CAGE1: variants seen among roughly 807,000 people sequenced by gnomAD.
The protein encoded by CAGE1 is cancer-associated gene 1 protein.
A neutral mutation model predicts 94.9 loss-of-function variants in CAGE1; 66 were observed. The ratio of observed to expected loss-of-function variants is 0.70; its 90% CI spans 0.57 to 0.85. The LOEUF (loss-of-function observed/expected upper bound fraction) is 0.85, where lower values mean the gene tolerates loss of function less well. Among genes scored for constraint, CAGE1 ranks in the 40% least tolerant of loss-of-function variants. The pLI, the probability that CAGE1 is intolerant of heterozygous loss-of-function variation, is 0.00. For synonymous variants in CAGE1, 319 were observed against 321.0 expected, an observed-to-expected ratio of 0.99 and a Z score of 0.07; for missense variants, 865 against 950.4, an observed-to-expected ratio of 0.91 and a Z score of 1.18.
Position 7,362,087 on chromosome 6 carries a change from A to G in CAGE1, c.2193+3381T>C, listed in dbSNP as rs905838211. Among the ~76,000 whole-genome samples the G allele has an allele frequency of 3.3e-5, 5 of 152,354 alleles. No individual in the cohort carries two copies. Among genetic ancestry groups the G allele is most frequent in the Middle Eastern group, 3.4e-3 (1 of 294 alleles). On this transcript the variant is annotated intron_variant, in intron 9 of 13. Transcript: ENST00000502583. The surrounding 1 kb of genome is among the most constrained non-coding windows in gnomAD (Gnocchi z 4.1). ...ATTTTTCCTAAAGCAGTAATTTTCT[A>G]CTTTGCCTGTTCCTTTCTTATTCTT...
rs1761255090 is a variant in CAGE1, at chr6:7,389,364, C to T, written c.-186G>A. ...GCACCGGGTTTTGTGGGAGGGAGAA[C>T]GCTTTCCAACCTCCTCCACCAAGGA... is the stretch of plus-strand genomic sequence containing the variant. On this transcript the variant is annotated 5_prime_UTR_variant, in exon 1 of 14. Transcript: ENST00000502583. 6.6e-6 allele frequency: 3 copies of T among 455,772 alleles called. No individual in the cohort carries two copies. The highest frequency in any genetic ancestry group is 6.0e-5 in the African/African-American group (3 of 50,048). The allele number at this position is 455,772 out of a possible 1,614,324, so 28.2% of individuals were successfully genotyped here. A position where few individuals can be genotyped will look rare whatever the true frequency, so the allele number is the denominator to read the frequency against.
chr6:7,339,070 A>G lies in CAGE1; in HGVS notation c.2370-4980T>C, dbSNP rs1759073030. On this transcript the variant is annotated intron_variant, in intron 11 of 13. Transcript: ENST00000502583. This position sits in a 1 kb window ranked among gnomAD's most constrained non-coding sequence, Gnocchi z 4.7. ...ACATGGCGCACAGCAGTGTCAACGT[A>G]GTAGTTAACAGGGTCTCTGCTGTGG... The G allele has an allele frequency of 1.2e-6, 2 of 1,600,834 alleles. No individual in the cohort carries two copies. The highest frequency in any genetic ancestry group is 4.5e-5 in the East Asian group (2 of 44,828).
chr6:7,378,632 T>C lies in CAGE1; in HGVS notation c.672A>G (p.Pro224=), dbSNP rs534228797. ...KESALNPSQP[P]SFLCKTAVPS... ...GTACACTTTCCTTACATAAGAAGCT[T>C]GGAGGTTGGCTAGGGTTGAGGGCAG... Residue 224 remains proline, a synonymous_variant, in exon 4 of 14, where the codon CCA becomes CCG. Coordinates refer to ENST00000502583, the MANE Select transcript of CAGE1 (RefSeq NM_001170692.2). 1 of 1,586,106 alleles carries C rather than the reference T, an allele frequency of 6.3e-7. No individual in the cohort carries two copies. The highest frequency in any genetic ancestry group is 1.2e-5 in the South Asian group (1 of 85,904).
At chr6:7,380,749 TG>T (rs1760906055) in intron 3 of CAGE1, among the ~76,000 whole-genome samples, 1 of 152,234 alleles carries the variant, frequency 6.6e-6, no homozygotes, top group Non-Finnish European at 1.5e-5. Context: ...ATTCCTTTTT[TG>T]TTGGCTATTT....
Position 7,341,489 on chromosome 6 carries a change from G to A in CAGE1, c.2370-7399C>T, listed in dbSNP as rs117274545. 1.0e-3 allele frequency: 1,194 copies of A among 1,180,080 alleles called. 18 individuals are homozygous for A. The East Asian group carries it at 0.025, about 25-fold the overall frequency. The allele number at this position is 1,180,080 out of a possible 1,614,324, so 73.1% of individuals were successfully genotyped here. A position where few individuals can be genotyped will look rare whatever the true frequency, so the allele number is the denominator to read the frequency against. On this transcript the variant is annotated intron_variant, in intron 11 of 13. Coordinates refer to ENST00000502583, the MANE Select transcript of CAGE1 (RefSeq NM_001170692.2). The stretch of plus-strand genomic sequence containing the variant: ...CTTGGCAAATTCCAGGTATTCCATC[G>A]CGAGTCTGAGGAGTAGATGTCACCC...
At chr6:7,358,219 T>G (rs566814166) in intron 9 of CAGE1, among the ~76,000 whole-genome samples, 1 of 151,462 alleles carries the variant, frequency 6.6e-6, no homozygotes, top group Admixed American at 6.6e-5. Flanking sequence ...AGGCAAACAC[T>G]GATCCACTTT....
rs771035080 is a variant in CAGE1 at position 7,378,705 on chromosome 6, ATC to A, written c.597_598del (p.Glu199AspfsTer11). 5 of 1,613,386 alleles carry A rather than the reference ATC, an allele frequency of 3.1e-6. No individual in the cohort carries two copies. The highest frequency in any genetic ancestry group is 4.2e-6 in the Non-Finnish European group (5 of 1,179,762). ...CAGTGACTTTTCTGTAAATTTCAGC[ATC>A]TCTCCACTGCAGTGGATTAGAGGCG... On this transcript the variant is annotated frameshift_variant, in exon 4 of 14. Coordinates refer to ENST00000502583, the MANE Select transcript of CAGE1 (RefSeq NM_001170692.2). LOFTEE classifies it high-confidence loss of function.
chr6:7,359,845 T>C (rs1267496311), intron 9 of CAGE1, among the ~76,000 whole-genome samples: 1 of 152,252 alleles, frequency 6.6e-6, no homozygotes, highest in African/African-American at 2.4e-5. Flanking sequence ...GTATTCACTT[T>C]CTGTCGCTGC....
intron 11 of CAGE1, among the ~76,000 whole-genome samples, chr6:7,343,512 G>GA (rs1229077711): frequency 6.6e-6 from 1 of 152,184 alleles, no homozygotes; most frequent in Non-Finnish European, 1.5e-5. Flanking sequence ...GTTTTGCATG[G>GA]AAAAACATTT....
intron 11 of CAGE1, among the ~76,000 whole-genome samples, chr6:7,350,436 A>G (rs1245150016): frequency 6.6e-6 from 1 of 152,230 alleles, no homozygotes; most frequent in Non-Finnish European, 1.5e-5. Context: ...AGAACATTTC[A>G]TCCAAGAACT....
intron 9 of CAGE1, among the ~76,000 whole-genome samples, chr6:7,360,661 T>A (rs1015146911): frequency 6.6e-6 from 1 of 152,098 alleles, no homozygotes; most frequent in Non-Finnish European, 1.5e-5. Context: ...AATATAAACC[T>A]GGCTGGGAGA....
intron 1 of CAGE1, 114 bp from the exon 2 acceptor site, chr6:7,387,310 CAA>C (rs1761154533): frequency 1.1e-5 from 7 of 628,760 alleles, no homozygotes; most frequent in Non-Finnish European, 1.9e-5. Flanking sequence ...TGTCATTTGT[CAA>C]GTTATTAGAA....
chr6:7,384,850 C>T (rs1017153615), intron 3 of CAGE1, among the ~76,000 whole-genome samples: 17 of 151,994 alleles, frequency 1.1e-4, no homozygotes, highest in Non-Finnish European at 1.0e-4. Context: ...AAATGGACCA[C>T]GATGCCTGGC....
At chr6:7,358,028 A>ATATATATATATATG (rs1760025271) in intron 9 of CAGE1, among the ~76,000 whole-genome samples, 1 of 66,936 alleles carries the variant, frequency 1.5e-5, no homozygotes, top group East Asian at 4.5e-4. Context: ...AAGTTTTGAG[A>ATATATATATATATG]TATATATATA....
intron 4 of CAGE1, among the ~76,000 whole-genome samples, chr6:7,376,433 TA>T (rs1316791036): frequency 1.8e-4 from 26 of 144,516 alleles, no homozygotes; most frequent in Admixed American, 8.9e-4. Context: ...AATAAATAAA[TA>T]AAATAAAAGT....
At chr6:7,373,008 C>G (rs954709068) in intron 5 of CAGE1, 65 bp downstream of exon 5, 37 of 1,119,886 alleles carry the variant, frequency 3.3e-5, no homozygotes, top group Non-Finnish European at 4.7e-5. Flanking sequence ...CGTCTAAATA[C>G]GCATCACTAG....
At chr6:7,375,684 C>T (rs1300707443) in intron 4 of CAGE1, among the ~76,000 whole-genome samples, 1 of 152,064 alleles carries the variant, frequency 6.6e-6, no homozygotes, top group Non-Finnish European at 1.5e-5. Flanking sequence ...ACACTGCTCT[C>T]CAATCTGAGT....
At chr6:7,372,340 G>A (rs543574366) in intron 5 of CAGE1, among the ~76,000 whole-genome samples, 61 of 151,946 alleles carry the variant, frequency 4.0e-4, no homozygotes, top group African/African-American at 1.3e-3. Flanking sequence ...GCATGGTGGC[G>A]CACGCCTGTA....
intron 9 of CAGE1, among the ~76,000 whole-genome samples, chr6:7,358,065 T>TATATATATATACATAC (rs1257084432): frequency 8.8e-6 from 1 of 114,084 alleles, no homozygotes; most frequent in African/African-American, 3.7e-5. Flanking sequence ...TATATATATA[T>TATATATATATACATAC]ATATATGCCT....
Sources: gnomAD v4.1 joint callset for allele counts (sites outside exome capture counted in the v4.1 genomes callset) on GRCh38, gnomAD v4.1.1 for gene constraint, Gnocchi (gnomAD v3.1) non-coding constraint, MANE v1.5 for transcripts, NCBI Gene and HGNC (gene_info 2026-07-23, HGNC 2026-07-21) for gene names.